Variants in SPTSSA observed in about 807,000 individuals in gnomAD.
SPTSSA encodes the protein small subunit of serine palmitoyltransferase A.
SPTSSA carries 8 observed loss-of-function variants against 9.1 expected under a neutral mutation model. That is an observed-to-expected ratio of 0.88 (90% CI 0.51 to 1.58). The LOEUF is 1.58. SPTSSA is among the 40% of genes most tolerant of loss of function. SPTSSA has a pLI of 0.00. For missense variants in SPTSSA, 100 were observed against 93.8 expected (o/e 1.07, Z -0.27); for synonymous variants, 42 against 37.7 (o/e 1.11, Z -0.41).
intron 1 of SPTSSA, among the ~76,000 whole-genome samples, chr14:34,457,971 G>GAAAAAA (rs750575678): frequency 9.1e-5 from 5 of 54,710 alleles, no homozygotes; most frequent in Non-Finnish European, 1.3e-4. Context: ...GACTGTCTCG[G>GAAAAAA]AAAAAAAAAA....
chr14:34,438,466 C>T (rs1883273091), intron 1 of SPTSSA, among the ~76,000 whole-genome samples: 1 of 152,106 alleles, frequency 6.6e-6, no homozygotes, highest in Non-Finnish European at 1.5e-5. Flanking sequence ...CCATTCTGTA[C>T]CTTCATGTTG....
At chr14:34,456,935 C>T (rs1216358909) in intron 1 of SPTSSA, among the ~76,000 whole-genome samples, 1 of 141,428 alleles carries the variant, frequency 7.1e-6, no homozygotes, top group Non-Finnish European at 1.5e-5. Flanking sequence ...TAAAATAGCA[C>T]ACTTCTGATT....
At chr14:34,445,399 G>A (rs1371274293) in intron 1 of SPTSSA, among the ~76,000 whole-genome samples, 1 of 152,102 alleles carries the variant, frequency 6.6e-6, no homozygotes, top group Non-Finnish European at 1.5e-5. Context: ...TACTCAGGAG[G>A]CTGAGGCAGG....
intron 1 of SPTSSA, among the ~76,000 whole-genome samples, chr14:34,457,971 G>GAA (rs750575678): frequency 8.4e-4 from 46 of 54,698 alleles, no homozygotes; most frequent in African/African-American, 1.1e-3. Flanking sequence ...GACTGTCTCG[G>GAA]AAAAAAAAAA....
At chr14:34,435,891 A>C (rs1258566375) in intron 1 of SPTSSA, among the ~76,000 whole-genome samples, 1 of 152,014 alleles carries the variant, frequency 6.6e-6, no homozygotes, top group African/African-American at 2.4e-5. Flanking sequence ...CAGCCTCCCA[A>C]AGTGCTGGGA....
intron 1 of SPTSSA, among the ~76,000 whole-genome samples, chr14:34,455,923 C>T (rs947059902): frequency 2.1e-5 from 3 of 144,384 alleles, no homozygotes; most frequent in Non-Finnish European, 4.5e-5. Context: ...CAGAACAAGA[C>T]TCCATCTCAA....
intron 1 of SPTSSA, among the ~76,000 whole-genome samples, chr14:34,441,971 G>A (rs567882128): frequency 2.0e-5 from 3 of 152,088 alleles, no homozygotes; most frequent in Admixed American, 6.6e-5. Context: ...CGCCTCCCGG[G>A]TTCAAGCAGT....
At chr14:34,443,598 C>T (rs1201381788) in intron 1 of SPTSSA, among the ~76,000 whole-genome samples, 1 of 144,110 alleles carries the variant, frequency 6.9e-6, no homozygotes, top group African/African-American at 2.6e-5. Flanking sequence ...TGCAATGGCA[C>T]AGTCTTAGCT....
chr14:34,441,875 T>C (rs912459388), intron 1 of SPTSSA, among the ~76,000 whole-genome samples: 3 of 151,946 alleles, frequency 2.0e-5, no homozygotes, highest in Non-Finnish European at 4.4e-5. Context: ...TCAGCGGCTG[T>C]TTTTTTGTTT....
chr14:34,433,063 C>A lies in SPTSSA; in HGVS notation c.*2138G>T, dbSNP rs540945401. On this transcript the variant is annotated 3_prime_UTR_variant, in exon 2 of 2. Transcript: ENST00000298130. ...AAATGATTTCCCTGTTATTTACTAA[C>A]AAATAGACCAGACATTTGCATCAGA... 16 of 152,108 alleles carry A rather than the reference C, an allele frequency of 1.1e-4. No individual in the cohort carries two copies. The highest frequency in any genetic ancestry group is 2.4e-4 in the Non-Finnish European group (16 of 68,006). 9.4% of individuals were successfully genotyped at this position (152,108 alleles called of 1,614,324 possible). A position where few individuals can be genotyped will look rare whatever the true frequency, so the allele number is the denominator to read the frequency against.
intron 1 of SPTSSA, among the ~76,000 whole-genome samples, chr14:34,457,834 A>G (rs996074829): frequency 6.6e-6 from 1 of 151,938 alleles, no homozygotes; most frequent in African/African-American, 2.4e-5. Flanking sequence ...TTAGCTGGGC[A>G]TGGTGGCACG....
chr14:34,443,355 AGTGTGTGTGTGT>A (rs759850438), intron 1 of SPTSSA, among the ~76,000 whole-genome samples: 1 of 6,266 alleles, frequency 1.6e-4, no homozygotes, highest in African/African-American at 7.4e-4. Context: ...GGAGGGTGTG[AGTGTGTGTGTGT>A]GTGTGTGTGT....
chr14:34,441,081 C>A (rs1883309582), intron 1 of SPTSSA, among the ~76,000 whole-genome samples: 1 of 152,138 alleles, frequency 6.6e-6, no homozygotes. Context: ...TGTATACACA[C>A]TCCAGCATGG....
chr14:34,443,172 TTTTGAGATTGA>T (rs1883353395), intron 1 of SPTSSA, among the ~76,000 whole-genome samples: 6 of 60,682 alleles, frequency 9.9e-5, no homozygotes, highest in East Asian at 4.9e-4. Flanking sequence ...TGTGTGTGTG[TTTTGAGATTGA>T]GTTTTCCTCT....
Position 34,434,205 on chromosome 14 carries a change from TTAGG to T in SPTSSA, c.*992_*995del, listed in dbSNP as rs1883203471. On this transcript the variant is annotated 3_prime_UTR_variant, in exon 2 of 2. Coordinates refer to ENST00000298130, the MANE Select transcript of SPTSSA (RefSeq NM_138288.4). ...AATTTAATGTATTTACATCAAAAAATTAGGTAGTCATTTTACATTTAAGGAATAA... is the reference window on the plus strand; with the variant it reads ...AATTTAATGTATTTACATCAAAAAATTAGTCATTTTACATTTAAGGAATAA... 5 of 152,168 alleles carry T rather than the reference TTAGG, an allele frequency of 3.3e-5. 1 individual carries two copies. In the South Asian group the frequency reaches 1.0e-3, roughly 32 times the overall value. 9.4% of individuals were successfully genotyped at this position (152,168 alleles called of 1,614,324 possible). A position where few individuals can be genotyped will look rare whatever the true frequency, so the allele number is the denominator to read the frequency against.
chr14:34,449,775 T>C (rs985249624), intron 1 of SPTSSA, among the ~76,000 whole-genome samples: 10 of 152,234 alleles, frequency 6.6e-5, no homozygotes, highest in Non-Finnish European at 7.3e-5. Flanking sequence ...AGTGCTGGGA[T>C]TATAGGCGTG....
intron 1 of SPTSSA, among the ~76,000 whole-genome samples, chr14:34,442,729 C>A (rs554581247): frequency 2.0e-5 from 3 of 152,138 alleles, no homozygotes; most frequent in Non-Finnish European, 2.9e-5. Context: ...ACAGGTGACA[C>A]GATCCTTTGC....
At chr14:34,454,657 C>T (rs1289664869) in intron 1 of SPTSSA, among the ~76,000 whole-genome samples, 1 of 152,168 alleles carries the variant, frequency 6.6e-6, no homozygotes, top group Non-Finnish European at 1.5e-5. Context: ...AAGGAGAATC[C>T]GGTTAAAGGT....
At chr14:34,454,523 A>G (rs1423454251) in intron 1 of SPTSSA, among the ~76,000 whole-genome samples, 1 of 152,252 alleles carries the variant, frequency 6.6e-6, no homozygotes, top group Non-Finnish European at 1.5e-5. Context: ...ATATCCTAAC[A>G]TTCTCACTGA....
Sources: allele counts gnomAD v4.1 joint callset (sites outside exome capture counted in the v4.1 genomes callset), GRCh38; gene constraint gnomAD v4.1.1; transcripts MANE v1.5; gene names NCBI Gene and HGNC (gene_info 2026-07-23, HGNC 2026-07-21).